The following TMEM51 variants were observed in gnomAD, a reference collection of about 807,000 sequenced individuals.
The protein encoded by TMEM51 is transmembrane protein 51, also known as chromosome 1 open reading frame 72.
Under a neutral mutation model 13.6 loss-of-function variants are expected in TMEM51, and 8 were observed. The observed-to-expected ratio is 0.59, with a 90% CI of 0.35 to 1.07. The LOEUF (loss-of-function observed/expected upper bound fraction) is 1.07, where lower values mean the gene tolerates loss of function less well. Ranked by LOEUF, TMEM51 falls within the 50% of genes least tolerant of loss-of-function variation. The probability of loss-of-function intolerance (pLI) is 0.02; values close to 1 mark genes in which losing one functional copy is unlikely to be tolerated. For synonymous variants in TMEM51, 147 were observed against 144.4 expected (o/e 1.02, Z -0.13); for missense variants, 279 against 330.7 (o/e 0.84, Z 1.21).
chr1:15,161,058 A>G lies in TMEM51; in HGVS notation c.-267+7104A>G, dbSNP rs1319911088. Among the ~76,000 whole-genome samples the G allele has an allele frequency of 2.0e-5, 3 of 152,170 alleles. No individual in the cohort carries two copies. Among genetic ancestry groups the G allele is most frequent in the East Asian group, 1.9e-4 (1 of 5,174 alleles). On this transcript the variant is annotated intron_variant, in intron 1 of 3. Transcript: ENST00000376008. This position sits in a 1 kb window ranked among gnomAD's most constrained non-coding sequence, Gnocchi z 4.0. The stretch of plus-strand genomic sequence containing the variant: ...AGGGCAGGTGCAGCCGCCACCGCCA[A>G]AGGTCTTCCTGGTGGAGGCAACTGC...
rs1014859717 is a variant in TMEM51 at position 15,161,906 on chromosome 1, C to T, written c.-267+7952C>T. 3.9e-5 allele frequency among the ~76,000 whole-genome samples: 6 copies of T among 151,904 alleles called. No individual in the cohort carries two copies. The highest frequency in any genetic ancestry group is 1.5e-4 in the African/African-American group (6 of 41,208). Reference sequence around the variant, plus strand: ...ATGGAGCCACTGCACTCCAGCCTAGCGACAGAGCAAGACTCCATCTCAAAA... The same window carrying T: ...ATGGAGCCACTGCACTCCAGCCTAGTGACAGAGCAAGACTCCATCTCAAAA... On this transcript the variant is annotated intron_variant, in intron 1 of 3. Coordinates refer to ENST00000376008, the MANE Select transcript of TMEM51 (RefSeq NM_001136218.2). This position sits in a 1 kb window ranked among gnomAD's most constrained non-coding sequence, Gnocchi z 4.0.
intron 1 of TMEM51, among the ~76,000 whole-genome samples, chr1:15,197,576 C>G (rs115685663): frequency 1.3e-5 from 2 of 152,182 alleles, no homozygotes; most frequent in Admixed American, 6.5e-5. Flanking sequence ...TACTGAGGCT[C>G]TCTCCAAAAG....
At chr1:15,208,267 G>A (rs1365488671) in intron 1 of TMEM51, among the ~76,000 whole-genome samples, 1 of 152,208 alleles carries the variant, frequency 6.6e-6, no homozygotes, top group Non-Finnish European at 1.5e-5. Context: ...CCACTGGATG[G>A]TCAGAGAGGT....
chr1:15,189,240 G>C (rs1451344624), intron 1 of TMEM51, among the ~76,000 whole-genome samples: 1 of 65,506 alleles, frequency 1.5e-5, no homozygotes, highest in African/African-American at 5.3e-5. Flanking sequence ...TTTTTTAGTA[G>C]AGACAGGGTT....
intron 1 of TMEM51, among the ~76,000 whole-genome samples, chr1:15,181,833 A>G (rs1421175196): frequency 1.3e-5 from 2 of 152,210 alleles, no homozygotes; most frequent in East Asian, 3.8e-4. Context: ...GGCTGCCTGC[A>G]TGAAACTCCA....
chr1:15,162,784 T>C (rs901706970), intron 1 of TMEM51, among the ~76,000 whole-genome samples: 1 of 152,044 alleles, frequency 6.6e-6, no homozygotes, highest in Non-Finnish European at 1.5e-5. Flanking sequence ...AGATACTATA[T>C]GATTCTACTT....
intron 3 of TMEM51, among the ~76,000 whole-genome samples, chr1:15,216,031 C>CAAA (rs112675244): frequency 0.012 from 1,692 of 144,580 alleles, 23 homozygotes; most frequent in African/African-American, 0.031. Context: ...GACTCTGTCT[C>CAAA]AAAAAAAAAA....
rs187598588 is a variant in TMEM51, at chr1:15,207,416, G to A, written c.-266-3074G>A. 1.3e-5 allele frequency among the ~76,000 whole-genome samples: 2 copies of A among 152,352 alleles called. No homozygotes were observed. Among genetic ancestry groups the A allele is most frequent in the African/African-American group, 2.4e-5 (1 of 41,578 alleles). On this transcript the variant is annotated intron_variant, in intron 1 of 3. Transcript: ENST00000376008. This position sits in a 1 kb window ranked among gnomAD's most constrained non-coding sequence, Gnocchi z 4.6. ...GGCAGCGGAAGGCCCAGCCATCAAT[G>A]CTTGGGCCCTTTACCCCGTTTCAGC...
rs79870560 is a variant in TMEM51, at chr1:15,157,557, C to G, written c.-267+3603C>G. Among the ~76,000 whole-genome samples the G allele has an allele frequency of 3.4e-3, 516 of 152,300 alleles. 2 individuals carry two copies. The highest frequency in any genetic ancestry group is 0.012 in the African/African-American group (490 of 41,564). On this transcript the variant is annotated intron_variant, in intron 1 of 3. Coordinates refer to ENST00000376008, the MANE Select transcript of TMEM51 (RefSeq NM_001136218.2). ...AAAAACAAAACAGGGCACCCTCCCCCTCCAAGATCCCCTTTCTGTCTGCAC... is the reference window on the plus strand; with the variant it reads ...AAAAACAAAACAGGGCACCCTCCCCGTCCAAGATCCCCTTTCTGTCTGCAC...
chr1:15,193,081 G>A (rs992177540), intron 1 of TMEM51, among the ~76,000 whole-genome samples: 6 of 152,336 alleles, frequency 3.9e-5, no homozygotes, highest in Admixed American at 2.6e-4. Context: ...CTGAGAGCAC[G>A]GAGGCGCCCA....
At chr1:15,163,186 A>G (rs908782891) in intron 1 of TMEM51, among the ~76,000 whole-genome samples, 1 of 151,848 alleles carries the variant, frequency 6.6e-6, no homozygotes, top group African/African-American at 2.4e-5. Context: ...GCCCTCTTGG[A>G]GCTTACACCT....
At chr1:15,152,733 G>A (rs1642437371), upstream of TMEM51, 1 of 151,792 alleles carries the variant, frequency 6.6e-6, no homozygotes, top group African/African-American at 2.4e-5. Flanking sequence ...TCGGGCGCCA[G>A]AGCAACGCAG....
At chr1:15,205,134 GAC>G (rs1486115251) in intron 1 of TMEM51, among the ~76,000 whole-genome samples, 1 of 152,168 alleles carries the variant, frequency 6.6e-6, no homozygotes, top group Admixed American at 6.5e-5. Flanking sequence ...CTTAGAGAAA[GAC>G]ACTATGTCAA....
chr1:15,212,067 CT>C (rs1261013720), intron 2 of TMEM51, among the ~76,000 whole-genome samples: 1 of 152,166 alleles, frequency 6.6e-6, no homozygotes, highest in African/African-American at 2.4e-5. Flanking sequence ...ATTTATTACC[CT>C]GATCTGGATT....
intron 1 of TMEM51, among the ~76,000 whole-genome samples, chr1:15,180,924 A>G (rs1157076057): frequency 6.6e-6 from 1 of 151,888 alleles, no homozygotes; most frequent in Non-Finnish European, 1.5e-5. Flanking sequence ...GGTCTGCTCA[A>G]CTCCTGCCTC....
chr1:15,179,672 C>T (rs1037525264), intron 1 of TMEM51, among the ~76,000 whole-genome samples: 5 of 152,150 alleles, frequency 3.3e-5, no homozygotes, highest in Admixed American at 1.3e-4. Flanking sequence ...ACCTCAGCTA[C>T]TTGGGAGGCT....
chr1:15,158,963 C>G (rs1246148159), intron 1 of TMEM51, among the ~76,000 whole-genome samples: 2 of 152,214 alleles, frequency 1.3e-5, no homozygotes, highest in Non-Finnish European at 2.9e-5. Context: ...TGGATGTGCA[C>G]TGAGTCACTA....
At chr1:15,186,973 G>T (rs1219831031) in intron 1 of TMEM51, among the ~76,000 whole-genome samples, 1 of 152,180 alleles carries the variant, frequency 6.6e-6, no homozygotes, top group Non-Finnish European at 1.5e-5. Flanking sequence ...TGGGAGGAAT[G>T]CGAGGTGGCC....
intron 1 of TMEM51, chr1:15,192,430 T>TTTTC (rs141016745): frequency 1.0e-4 from 27 of 258,922 alleles, no homozygotes; most frequent in Non-Finnish European, 1.4e-4. Context: ...GTGCTACTTT[T>TTTTC]TTTCTTTCTT....
Sources: gnomAD v4.1 joint callset for allele counts (sites outside exome capture counted in the v4.1 genomes callset) on GRCh38, gnomAD v4.1.1 for gene constraint, Gnocchi (gnomAD v3.1) non-coding constraint, MANE v1.5 for transcripts, NCBI Gene and HGNC (gene_info 2026-07-23, HGNC 2026-07-21) for gene names.